The following LPAR1 variants were observed in gnomAD, a reference collection of about 807,000 sequenced individuals.
The protein encoded by LPAR1 is lysophosphatidic acid receptor 1.
In LPAR1, 5 loss-of-function variants were observed where a neutral mutation model predicts 23.8. The ratio of observed to expected loss-of-function variants is 0.21; its 90% CI spans 0.11 to 0.44. LPAR1 has a LOEUF of 0.44. Among genes scored for constraint, LPAR1 ranks in the 20% least tolerant of loss-of-function variants. LPAR1 has a pLI of 0.99. For missense variants in LPAR1, 311 were observed against 482.8 expected (o/e 0.64, Z 3.33); for synonymous variants, 160 against 164.7 (o/e 0.97, Z 0.22).
In LPAR1 at chr9:110,944,996, C is replaced by T. The variant is rs73657204; in HGVS notation, c.46-2828G>A. On this transcript the variant is annotated intron_variant, in intron 4 of 5. Transcript: ENST00000683809. Reference sequence around the variant, plus strand: ...AAATATTGAAAGAGTAGAAAATACACCAGGAATTAAAAATTGGGAGGGTAT... The same window carrying T: ...AAATATTGAAAGAGTAGAAAATACATCAGGAATTAAAAATTGGGAGGGTAT... 6.4e-3 allele frequency among the ~76,000 whole-genome samples: 975 copies of T among 152,030 alleles called. 12 individuals are homozygous for T. Among genetic ancestry groups the T allele is most frequent in the African/African-American group, 0.022 (906 of 41,458 alleles).
intron 4 of LPAR1, among the ~76,000 whole-genome samples, chr9:110,960,246 T>C (rs1302022080): frequency 6.6e-6 from 1 of 151,896 alleles, no homozygotes; most frequent in Non-Finnish European, 1.5e-5. Flanking sequence ...AGGTGATGAA[T>C]AGCCTGAATA....
intron 5 of LPAR1, among the ~76,000 whole-genome samples, chr9:110,930,808 C>T (rs570189975): frequency 6.0e-5 from 9 of 151,192 alleles, no homozygotes; most frequent in Non-Finnish European, 5.9e-5. Flanking sequence ...CCAGCTACCC[C>T]GGAGGCTGAG....
At position 110,881,527 on chromosome 9, in the gene LPAR1, C is replaced by T. The variant is rs192737612; in HGVS notation, c.794-5805G>A. 9.2e-5 allele frequency among the ~76,000 whole-genome samples: 14 copies of T among 152,166 alleles called. No individual in the cohort carries two copies. In the South Asian group the frequency reaches 1.0e-3, roughly 11 times the overall value. ...CCTTAACATTAAGTAGTGTGTATTG[C>T]GCACGTACAAGTTCCATACCCTACA... On this transcript the variant is annotated intron_variant, in intron 5 of 5. Transcript: ENST00000683809.
chr9:110,898,133 C>G (rs1011383267), intron 5 of LPAR1, among the ~76,000 whole-genome samples: 1 of 152,122 alleles, frequency 6.6e-6, no homozygotes, highest in African/African-American at 2.4e-5. Context: ...AGCCATGGCT[C>G]TATCCTGAAG....
Position 111,012,489 on chromosome 9 carries a change from A to G in LPAR1, c.-182+23633T>C, listed in dbSNP as rs541276653. Among the ~76,000 whole-genome samples the G allele has an allele frequency of 1.2e-3, 176 of 152,012 alleles. 2 individuals are homozygous for G. The highest frequency in any genetic ancestry group is 4.2e-3 in the African/African-American group (174 of 41,462). On this transcript the variant is annotated intron_variant, in intron 2 of 5. Coordinates refer to ENST00000683809, the MANE Select transcript of LPAR1 (RefSeq NM_001351411.2). ...CGCGCGCACACACACACACACACAC[A>G]CACACATACACACTCAGTATCCTGG...
chr9:111,038,268 C>G lies in LPAR1; in HGVS notation c.-363G>C, dbSNP rs1445298137. 3.4e-5 allele frequency: 5 copies of G among 148,334 alleles called. No individual in the cohort carries two copies. The highest frequency in any genetic ancestry group is 6.0e-5 in the Non-Finnish European group (4 of 66,558). The allele number at this position is 148,334 out of a possible 1,614,324, so 9.2% of individuals were successfully genotyped here. A position where few individuals can be genotyped will look rare whatever the true frequency, so the allele number is the denominator to read the frequency against. ...CCCCCGCCCCACCGCCAGCCGAGCC[C>G]GGCCCTCCGCCCGCCCCTCGGCAGT... On this transcript the variant is annotated 5_prime_UTR_variant, in exon 1 of 6. Coordinates refer to ENST00000683809, the MANE Select transcript of LPAR1 (RefSeq NM_001351411.2). The surrounding 1 kb of genome is among the most constrained non-coding windows in gnomAD (Gnocchi z 4.4).
In LPAR1 at chr9:110,943,194, T is replaced by C. The variant is rs73657203; in HGVS notation, c.46-1026A>G. Among the ~76,000 whole-genome samples, 1,271 of 149,998 alleles carry C rather than the reference T, an allele frequency of 8.5e-3. 22 individuals are homozygous for C. Among genetic ancestry groups the C allele is most frequent in the African/African-American group, 0.029 (1,200 of 41,208 alleles). On this transcript the variant is annotated intron_variant, in intron 4 of 5. Coordinates refer to ENST00000683809, the MANE Select transcript of LPAR1 (RefSeq NM_001351411.2). The stretch of plus-strand genomic sequence containing the variant: ...TAACAAACTAGAAATTAGAAAAGTA[T>C]ACATCACATAGAGTAAGTCATTCTT...
chr9:111,034,418 G>A (rs2097854870), intron 2 of LPAR1, among the ~76,000 whole-genome samples: 1 of 151,988 alleles, frequency 6.6e-6, no homozygotes, highest in South Asian at 2.1e-4. Context: ...GAAAAAAAAT[G>A]TTTTCTTGGA....
intron 5 of LPAR1, among the ~76,000 whole-genome samples, chr9:110,906,149 T>C (rs2091158822): frequency 6.6e-6 from 1 of 151,812 alleles, no homozygotes; most frequent in African/African-American, 2.4e-5. Context: ...ACAAGATAGA[T>C]GTTACCTCTA....
At chr9:110,898,874 C>T (rs116485008) in intron 5 of LPAR1, among the ~76,000 whole-genome samples, 4,157 of 152,226 alleles carry the variant, frequency 0.027, 198 homozygotes, top group African/African-American at 0.092. Context: ...ACCTTAACTC[C>T]AAAACATCCT....
At chr9:110,963,712 A>T (rs1206976104) in intron 4 of LPAR1, among the ~76,000 whole-genome samples, 1 of 152,260 alleles carries the variant, frequency 6.6e-6, no homozygotes, top group Non-Finnish European at 1.5e-5. Flanking sequence ...GGGAAAAGGG[A>T]AAGAACTAAC....
chr9:110,979,827 G>GA (rs1054370610), intron 2 of LPAR1, among the ~76,000 whole-genome samples: 1 of 151,814 alleles, frequency 6.6e-6, no homozygotes, highest in African/African-American at 2.4e-5. Flanking sequence ...ACAAGAGGGA[G>GA]AAAAAAAGGA....
chr9:110,921,147 AAAAAC>A (rs919128111), intron 5 of LPAR1, among the ~76,000 whole-genome samples: 2 of 152,114 alleles, frequency 1.3e-5, no homozygotes, highest in Non-Finnish European at 2.9e-5. Flanking sequence ...AAACAAAACA[AAAAAC>A]AAAACAAAAC....
chr9:111,020,330 G>A (rs949670586), intron 2 of LPAR1, among the ~76,000 whole-genome samples: 1 of 152,182 alleles, frequency 6.6e-6, no homozygotes, highest in African/African-American at 2.4e-5. Flanking sequence ...TGAATCAGAT[G>A]AGAATTTGTG....
intron 2 of LPAR1, among the ~76,000 whole-genome samples, chr9:111,024,545 T>TATATATATACACACAC (rs141132389): frequency 9.7e-5 from 14 of 144,822 alleles, no homozygotes; most frequent in Non-Finnish European, 1.2e-4. Flanking sequence ...TGTGTGTGTG[T>TATATATATACACACAC]ATATATATAC....
chr9:110,996,843 GGTAACT>G (rs1435567643), intron 2 of LPAR1, among the ~76,000 whole-genome samples: 1 of 152,162 alleles, frequency 6.6e-6, no homozygotes, highest in Admixed American at 6.6e-5. Context: ...TAGCGATGGA[GGTAACT>G]GAAGTGACAT....
intron 5 of LPAR1, among the ~76,000 whole-genome samples, chr9:110,891,482 G>A (rs2084160923): frequency 6.6e-6 from 1 of 152,170 alleles, no homozygotes; most frequent in African/African-American, 2.4e-5. Flanking sequence ...ATGCTATAAA[G>A]TCACAGGTTT....
intron 5 of LPAR1, among the ~76,000 whole-genome samples, chr9:110,936,199 G>T (rs940164788): frequency 1.3e-5 from 2 of 152,200 alleles, no homozygotes; most frequent in Admixed American, 6.5e-5. Context: ...GCTCTGTAAA[G>T]AATTTTTTCT....
At position 110,935,320 on chromosome 9, in the gene LPAR1, G is replaced by T. The variant is rs572008813; in HGVS notation, c.793+6101C>A. Among the ~76,000 whole-genome samples, 106 of 152,050 alleles carry T rather than the reference G, an allele frequency of 7.0e-4. 1 individual carries two copies. In the South Asian group the frequency reaches 0.021, roughly 30 times the overall value. On this transcript the variant is annotated intron_variant, in intron 5 of 5. Coordinates refer to ENST00000683809, the MANE Select transcript of LPAR1 (RefSeq NM_001351411.2). ...GTTCTCAATTAACCTGGGGGTCTCG[G>T]TCTCTTCATTTGTAAGATGTGGGAG...
Sources: allele counts gnomAD v4.1 joint callset (sites outside exome capture counted in the v4.1 genomes callset), GRCh38; gene constraint gnomAD v4.1.1; non-coding constraint Gnocchi (gnomAD v3.1); transcripts MANE v1.5; gene names NCBI Gene and HGNC (gene_info 2026-07-23, HGNC 2026-07-21).